The following PKIB variants were observed in gnomAD, a reference collection of about 807,000 sequenced individuals.
PKIB encodes the protein PKI-beta.
PKIB carries 2 observed loss-of-function variants against 4.5 expected under a neutral mutation model. The observed-to-expected ratio is 0.44, with a 90% CI of 0.18 to 1.39. The LOEUF is 1.39. Ranked by LOEUF, PKIB falls within the 40% of genes most tolerant of loss-of-function variation. PKIB has a pLI of 0.27. For synonymous variants in PKIB, 38 were observed against 36.0 expected, an observed-to-expected ratio of 1.06 and a Z score of -0.20; for missense variants, 94 against 92.6, an observed-to-expected ratio of 1.02 and a Z score of -0.06.
intron 3 of PKIB, among the ~76,000 whole-genome samples, chr6:122,683,330 A>T (rs1313450379): frequency 6.6e-6 from 1 of 152,156 alleles, no homozygotes; most frequent in Non-Finnish European, 1.5e-5. Flanking sequence ...AAGGGGGAAC[A>T]GTCATGTCAC....
At chr6:122,702,210 C>G (rs1778843011) in intron 3 of PKIB, among the ~76,000 whole-genome samples, 1 of 151,322 alleles carries the variant, frequency 6.6e-6, no homozygotes, top group African/African-American at 2.4e-5. Flanking sequence ...AAAAGTCATG[C>G]TGAGAATATA....
At chr6:122,546,502 T>TG (rs1021202999) in intron 2 of PKIB, among the ~76,000 whole-genome samples, 11 of 152,244 alleles carry the variant, frequency 7.2e-5, no homozygotes, top group East Asian at 5.8e-4. Context: ...TGAAACATTA[T>TG]GGAGCTATTT....
chr6:122,658,254 G>A (rs1776850794), intron 2 of PKIB, among the ~76,000 whole-genome samples: 1 of 151,978 alleles, frequency 6.6e-6, no homozygotes, highest in South Asian at 2.1e-4. Context: ...ATTATTCCTT[G>A]ACAACATCAG....
intron 2 of PKIB, among the ~76,000 whole-genome samples, chr6:122,639,645 C>T (rs540170004): frequency 4.1e-4 from 62 of 152,150 alleles, no homozygotes; most frequent in Non-Finnish European, 5.4e-4. Context: ...TGTGGAGGTC[C>T]TAGAGAAGAT....
intron 2 of PKIB, among the ~76,000 whole-genome samples, chr6:122,652,177 G>A (rs1416847153): frequency 6.6e-6 from 1 of 151,930 alleles, no homozygotes; most frequent in Non-Finnish European, 1.5e-5. Flanking sequence ...GGTCAGTCAG[G>A]GCTCCACCAG....
rs533553939 is a variant in PKIB, at chr6:122,553,481, C to CTTTTTTTT, written c.-247-32425_-247-32418dup. 4.0e-4 allele frequency among the ~76,000 whole-genome samples: 26 copies of CTTTTTTTT among 65,818 alleles called. 2 individuals carry two copies. Among genetic ancestry groups the CTTTTTTTT allele is most frequent in the African/African-American group, 7.7e-4 (13 of 16,954 alleles). 43.2% of individuals were successfully genotyped at this position (65,818 alleles called of 152,430 possible). Reference sequence around the variant, plus strand: ...TCTCTCAAGATTGCTCAAATATCTTCTTTTTTTTTTTTTTTTTTTTTTCTG... The same window carrying CTTTTTTTT: ...TCTCTCAAGATTGCTCAAATATCTTCTTTTTTTTTTTTTTTTTTTTTTTTTTTTTTCTG... On this transcript the variant is annotated intron_variant, in intron 2 of 6. Coordinates refer to the PKIB transcript ENST00000392491.
chr6:122,620,849 A>G (rs1029747951), intron 1 of PKIB, among the ~76,000 whole-genome samples: 1 of 152,190 alleles, frequency 6.6e-6, no homozygotes, highest in Non-Finnish European at 1.5e-5. Flanking sequence ...GTTTTGTTTT[A>G]TATTATTTTC....
chr6:122,519,406 C>A (rs1159741218), intron 2 of PKIB, among the ~76,000 whole-genome samples: 1 of 152,038 alleles, frequency 6.6e-6, no homozygotes, highest in Non-Finnish European at 1.5e-5. Context: ...AAATAAAGTG[C>A]ACAATAAATG....
intron 2 of PKIB, among the ~76,000 whole-genome samples, chr6:122,495,724 C>G (rs1361617409): frequency 6.6e-6 from 1 of 152,158 alleles, no homozygotes; most frequent in East Asian, 1.9e-4. Flanking sequence ...AATGTGGAGC[C>G]ACCCCTTTAT....
intron 3 of PKIB, among the ~76,000 whole-genome samples, chr6:122,597,486 C>A (rs551824318): frequency 6.6e-6 from 1 of 152,284 alleles, no homozygotes; most frequent in South Asian, 2.1e-4. Context: ...ACAGCAGCTG[C>A]AATTGGGGTC....
intron 2 of PKIB, among the ~76,000 whole-genome samples, chr6:122,496,111 T>C (rs902349400): frequency 6.6e-6 from 1 of 152,086 alleles, no homozygotes; most frequent in Non-Finnish European, 1.5e-5. Flanking sequence ...AAGCACCTCA[T>C]GGTAAAGAAA....
Position 122,472,439 on chromosome 6 carries a change from T to C in PKIB, c.-337+398T>C, listed in dbSNP as rs1222329889. On this transcript the variant is annotated intron_variant, in intron 1 of 6. Transcript: ENST00000392491. ...TATTTTTAATTAGTTAGATAAGACA[T>C]TATCAAACTCAAACATTGATTTCGA... Among the ~76,000 whole-genome samples the C allele has an allele frequency of 1.8e-5, 2 of 110,026 alleles. 1 individual carries two copies. The highest frequency in any genetic ancestry group is 7.4e-4 in the South Asian group (2 of 2,688). 72.2% of individuals were successfully genotyped at this position (110,026 alleles called of 152,430 possible). A position where few individuals can be genotyped will look rare whatever the true frequency, so the allele number is the denominator to read the frequency against.
chr6:122,484,841 G>A (rs570434254), intron 2 of PKIB, among the ~76,000 whole-genome samples: 2 of 152,180 alleles, frequency 1.3e-5, no homozygotes, highest in Non-Finnish European at 2.9e-5. Flanking sequence ...TTGTGGATGA[G>A]CTGCAGCCTG....
intron 2 of PKIB, among the ~76,000 whole-genome samples, chr6:122,530,598 C>A (rs1294684413): frequency 6.6e-6 from 1 of 152,086 alleles, no homozygotes; most frequent in African/African-American, 2.4e-5. Context: ...TGCCTATGAG[C>A]CTAGCTAGAA....
chr6:122,702,408 C>T (rs989118556), intron 3 of PKIB, among the ~76,000 whole-genome samples: 1 of 144,760 alleles, frequency 6.9e-6, no homozygotes, highest in Non-Finnish European at 1.5e-5. Flanking sequence ...CGGCTCACTG[C>T]AACCTCCACC....
intron 3 of PKIB, among the ~76,000 whole-genome samples, chr6:122,688,924 A>G (rs891308381): frequency 1.3e-5 from 2 of 151,248 alleles, no homozygotes; most frequent in African/African-American, 4.9e-5. Flanking sequence ...GGGACTACAG[A>G]CGCCCGCCAC....
At chr6:122,640,247 C>G (rs1358980148) in intron 2 of PKIB, among the ~76,000 whole-genome samples, 2 of 152,040 alleles carry the variant, frequency 1.3e-5, no homozygotes, top group East Asian at 3.9e-4. Context: ...AAATGACACC[C>G]ACTAACGTAA....
chr6:122,616,971 CAA>C, intron 1 of PKIB, among the ~76,000 whole-genome samples: 1 of 152,086 alleles, frequency 6.6e-6, no homozygotes, highest in Non-Finnish European at 1.5e-5. Context: ...GATTAAAAGC[CAA>C]GTTTGATTGA....
rs74473199 is a variant in PKIB at position 122,601,835 on chromosome 6, A to G, written c.-161+15828A>G. On this transcript the variant is annotated intron_variant, in intron 3 of 6. Coordinates refer to the PKIB transcript ENST00000392491. ...ATAAGGCTTCTGGACAACAGTAGCT[A>G]TTAGTAGTTGTGTTCTGGGGGAGTC... is the stretch of plus-strand genomic sequence containing the variant. Among the ~76,000 whole-genome samples the G allele has an allele frequency of 1.7e-3, 256 of 152,246 alleles. 1 individual carries two copies. The highest frequency in any genetic ancestry group is 6.0e-3 in the African/African-American group (249 of 41,548).
Sources: gnomAD v4.1 joint callset for allele counts (sites outside exome capture counted in the v4.1 genomes callset) on GRCh38, gnomAD v4.1.1 for gene constraint, MANE v1.5 for transcripts, NCBI Gene and HGNC (gene_info 2026-07-23, HGNC 2026-07-21) for gene names.